The following HMGN3 variants were observed in gnomAD, a reference collection of about 807,000 sequenced individuals.
HMGN3 encodes high mobility group nucleosome-binding domain-containing protein 3.
In HMGN3, 6 loss-of-function variants were observed where a neutral mutation model predicts 18.8. The ratio of observed to expected loss-of-function variants is 0.32; its 90% CI spans 0.18 to 0.63. The LOEUF is 0.63. Among genes scored for constraint, HMGN3 ranks in the 30% least tolerant of loss-of-function variants. The pLI is 0.79. For missense variants in HMGN3, 107 were observed against 114.2 expected (o/e 0.94, Z 0.29); for synonymous variants, 40 against 36.5 (o/e 1.10, Z -0.35).
chr6:79,204,361 G>T (rs1158969841), intron 3 of HMGN3, among the ~76,000 whole-genome samples: 1 of 152,124 alleles, frequency 6.6e-6, no homozygotes, highest in Non-Finnish European at 1.5e-5. Context: ...GCCTCATGTG[G>T]TCCTCCTCCA....
At chr6:79,227,871 T>G (rs1026931519) in intron 1 of HMGN3, among the ~76,000 whole-genome samples, 1 of 152,206 alleles carries the variant, frequency 6.6e-6, no homozygotes, top group African/African-American at 2.4e-5. Context: ...TTACACTACC[T>G]GTGCTAGGTG....
At chr6:79,214,300 C>T (rs1460348655) in intron 2 of HMGN3, among the ~76,000 whole-genome samples, 2 of 151,246 alleles carry the variant, frequency 1.3e-5, no homozygotes, top group African/African-American at 4.9e-5. Context: ...CTCCCAGGTT[C>T]ACACCATTCT....
exon 6 of HMGN3, chr6:79,201,654 A>C (rs761584191): frequency 7.3e-7 from 1 of 1,368,174 alleles, no homozygotes; most frequent in Non-Finnish European, 1.0e-6. Context: ...GTCCCAAGAG[A>C]TACATAAAAT....
chr6:79,221,548 C>T (rs1777285004), intron 1 of HMGN3, among the ~76,000 whole-genome samples: 1 of 152,202 alleles, frequency 6.6e-6, no homozygotes, highest in Non-Finnish European at 1.5e-5. Flanking sequence ...GGTTTGCTGA[C>T]CTTCTTTCAT....
intron 2 of HMGN3, among the ~76,000 whole-genome samples, chr6:79,212,032 G>A (rs1776712495): frequency 1.0e-5 from 1 of 99,456 alleles, no homozygotes. Flanking sequence ...AAGTCAAGTT[G>A]CTTTTAATTC....
At chr6:79,220,376 T>C (rs1777211273) in intron 1 of HMGN3, among the ~76,000 whole-genome samples, 1 of 152,176 alleles carries the variant, frequency 6.6e-6, no homozygotes, top group African/African-American at 2.4e-5. Flanking sequence ...TAGTATACCC[T>C]TCCATTATAA....
chr6:79,212,256 GTTCTAACACCCAGGGAAAATCATGT>G (rs1776729810), intron 2 of HMGN3, among the ~76,000 whole-genome samples: 1 of 152,132 alleles, frequency 6.6e-6, no homozygotes, highest in Admixed American at 6.5e-5. Flanking sequence ...CTATTTACAA[GTTCTAACACCCAGGGAAAATCATGT>G]TTCTCTGAGA....
intron 5 of HMGN3, 94 bp from the exon 7 acceptor site, chr6:79,201,820 ATT>A: frequency 6.6e-7 from 1 of 1,521,840 alleles, no homozygotes; most frequent in South Asian, 1.3e-5. Context: ...AGTTTTGAAC[ATT>A]TGTTTTCTTT....
chr6:79,205,361 A>G (rs1447613794), intron 3 of HMGN3, among the ~76,000 whole-genome samples: 1 of 152,174 alleles, frequency 6.6e-6, no homozygotes, highest in Non-Finnish European at 1.5e-5. Context: ...GTGGGAGGTG[A>G]TTGAATTATG....
chr6:79,206,269 G>A (rs992468112), intron 3 of HMGN3, among the ~76,000 whole-genome samples: 1 of 152,278 alleles, frequency 6.6e-6, no homozygotes, highest in Admixed American at 6.5e-5. Context: ...TGTCTCCAGG[G>A]CACGTGACAG....
chr6:79,232,057 A>C (rs1206378868), intron 1 of HMGN3, among the ~76,000 whole-genome samples: 1 of 152,214 alleles, frequency 6.6e-6, no homozygotes, highest in Admixed American at 6.5e-5. Context: ...AAAGGTTGAT[A>C]CAGGGGGCTA....
intron 1 of HMGN3, among the ~76,000 whole-genome samples, chr6:79,221,979 G>C (rs1217378411): frequency 6.9e-6 from 1 of 145,178 alleles, no homozygotes; most frequent in African/African-American, 2.5e-5. Flanking sequence ...TAGTTACTTA[G>C]AGTTTTACTT....
intron 3 of HMGN3, among the ~76,000 whole-genome samples, chr6:79,205,078 GCT>G (rs1423241166): frequency 2.0e-5 from 3 of 152,160 alleles, no homozygotes; most frequent in African/African-American, 7.2e-5. Context: ...CTCTGAGGAG[GCT>G]CTGTTTCGGT....
intron 2 of HMGN3, among the ~76,000 whole-genome samples, chr6:79,211,369 T>C (rs1776680910): frequency 6.6e-6 from 1 of 152,152 alleles, no homozygotes; most frequent in Admixed American, 6.5e-5. Context: ...TGCTATTTTT[T>C]CCTTTTTAAA....
At chr6:79,219,687 T>C (rs184733590) in intron 1 of HMGN3, among the ~76,000 whole-genome samples, 17 of 152,236 alleles carry the variant, frequency 1.1e-4, no homozygotes, top group Admixed American at 9.8e-4. Flanking sequence ...TAAAACTAAT[T>C]TTAATATTTT....
chr6:79,234,655 G>GC, exon 1 of HMGN3: 1 of 1,274,050 alleles, frequency 7.8e-7, no homozygotes, highest in Non-Finnish European at 1.1e-6. Flanking sequence ...CTGCTCACGC[G>GC]CAGGGCACGA....
chr6:79,201,524 C>T, exon 6 of HMGN3: 1 of 554,458 alleles, frequency 1.8e-6, no homozygotes, highest in Non-Finnish European at 3.2e-6. Context: ...TGTAAATTTC[C>T]AAAAAGCATG....
intron 1 of HMGN3, among the ~76,000 whole-genome samples, chr6:79,224,630 T>C (rs1416756512): frequency 1.3e-5 from 2 of 152,186 alleles, no homozygotes; most frequent in African/African-American, 4.8e-5. Flanking sequence ...TGCTTCCATA[T>C]GGTTGTTGCA....
intron 4 of HMGN3, 46 bp from the exon 5 acceptor site, chr6:79,202,435 G>T (rs2127809598): frequency 7.0e-7 from 1 of 1,419,984 alleles, no homozygotes; most frequent in East Asian, 2.3e-5. Context: ...TAGACACGGT[G>T]TGATGATGGC....
Sources: gnomAD v4.1 joint callset for allele counts (sites outside exome capture counted in the v4.1 genomes callset) on GRCh38, gnomAD v4.1.1 for gene constraint, MANE v1.5 for transcripts, NCBI Gene and HGNC (gene_info 2026-07-23, HGNC 2026-07-21) for gene names.